The following ITSN1 variants were observed in gnomAD, a reference collection of about 807,000 sequenced individuals.
ITSN1 encodes intersectin 1.
In ITSN1, 58 loss-of-function variants were observed where a neutral mutation model predicts 239.8. That is an observed-to-expected ratio of 0.24 (90% CI 0.20 to 0.30). The LOEUF (loss-of-function observed/expected upper bound fraction) is 0.30, where lower values mean the gene tolerates loss of function less well. ITSN1 is among the 10% of genes least tolerant of loss of function. The pLI, the probability that ITSN1 is intolerant of heterozygous loss-of-function variation, is 1.00. For synonymous variants in ITSN1, 780 were observed against 770.8 expected, an observed-to-expected ratio of 1.01 and a Z score of -0.20; for missense variants, 1,558 against 2,103.3, an observed-to-expected ratio of 0.74 and a Z score of 5.07.
In ITSN1 at chr21:33,839,257, G is replaced by A. The variant is rs570374821; in HGVS notation, c.3661+2625G>A. Among the ~76,000 whole-genome samples the A allele has an allele frequency of 9.2e-5, 14 of 152,300 alleles. 1 individual carries two copies. The highest frequency in any genetic ancestry group is 7.8e-4 in the Admixed American group (12 of 15,304). On this transcript the variant is annotated intron_variant, in intron 29 of 39. Transcript: ENST00000381318. ...TCCTGCAATCCATATAAATATGCAC[G>A]GTATGTGTGTGACAAGGTGACAAGT...
chr21:33,813,837 TG>T, intron 21 of ITSN1, 75 bp from the exon 22 acceptor site: 15 of 1,300,794 alleles, frequency 1.2e-5, no homozygotes, highest in South Asian at 5.6e-5. Flanking sequence ...TTTTTTTTTT[TG>T]GTACTTTACT....
intron 12 of ITSN1, among the ~76,000 whole-genome samples, chr21:33,773,900 G>A (rs1374910890): frequency 1.3e-5 from 2 of 151,914 alleles, no homozygotes; most frequent in Admixed American, 1.3e-4. Context: ...GGCTGGTCTC[G>A]AACTCCTGAC....
At chr21:33,725,133 GTT>G (rs1171718411) in intron 4 of ITSN1, among the ~76,000 whole-genome samples, 999 of 91,078 alleles carry the variant, frequency 0.011, 3 homozygotes, top group African/African-American at 0.017. Flanking sequence ...TTTTTTTTTT[GTT>G]TTTTTTTTTT....
chr21:33,665,484 TAAC>T (rs1229839559), intron 1 of ITSN1, among the ~76,000 whole-genome samples: 2 of 152,048 alleles, frequency 1.3e-5, no homozygotes, highest in South Asian at 2.1e-4. Context: ...AAAAGGAAAA[TAAC>T]AAGTATTGGT....
chr21:33,744,918 A>G (rs560459683), intron 5 of ITSN1, among the ~76,000 whole-genome samples: 4 of 152,272 alleles, frequency 2.6e-5, no homozygotes, highest in Non-Finnish European at 5.9e-5. Flanking sequence ...GTAAAGGGAA[A>G]GAATCAGGCA....
At chr21:33,681,806 G>C (rs1389745196) in intron 1 of ITSN1, among the ~76,000 whole-genome samples, 4 of 151,640 alleles carry the variant, frequency 2.6e-5, no homozygotes, top group Admixed American at 6.6e-5. Flanking sequence ...GAGTAGCTGG[G>C]ACTACAGGCG....
chr21:33,876,878 C>T (rs534948583), intron 34 of ITSN1, among the ~76,000 whole-genome samples: 1 of 150,270 alleles, frequency 6.7e-6, no homozygotes, highest in East Asian at 2.0e-4. Context: ...CTCAAAACAA[C>T]AAACAGATAT....
intron 7 of ITSN1, among the ~76,000 whole-genome samples, chr21:33,753,611 A>C (rs540766750): frequency 6.6e-6 from 1 of 151,830 alleles, no homozygotes; most frequent in African/African-American, 2.4e-5. Context: ...AAATACAAAA[A>C]ATTAGCTGGG....
chr21:33,854,651 C>T (rs1978969223), intron 29 of ITSN1, among the ~76,000 whole-genome samples: 1 of 152,228 alleles, frequency 6.6e-6, no homozygotes, highest in Non-Finnish European at 1.5e-5. Flanking sequence ...AGCCCCGTGG[C>T]CTGCCTCCTT....
intron 25 of ITSN1, among the ~76,000 whole-genome samples, chr21:33,825,763 G>A (rs2148327831): frequency 6.6e-6 from 1 of 152,308 alleles, no homozygotes; most frequent in South Asian, 2.1e-4. Context: ...TTGAAAAATA[G>A]TGAGAGATTG....
Position 33,837,674 on chromosome 21 carries a change from T to C in ITSN1, c.3661+1042T>C, listed in dbSNP as rs960297530. The C allele has an allele frequency of 3.0e-6, 3 of 985,770 alleles. No homozygotes were observed. The African/African-American group carries it at 5.2e-5, about 17-fold the overall frequency. The allele number at this position is 985,770 out of a possible 1,614,324, so 61.1% of individuals were successfully genotyped here. ...TGTAATACATCCTGTACATAAGAAA[T>C]TAGTTCTTTCCATGGCAAAGCTATT... On this transcript the variant is annotated intron_variant, in intron 29 of 39. Transcript: ENST00000381318.
intron 14 of ITSN1, among the ~76,000 whole-genome samples, chr21:33,780,460 AT>A (rs1274496279): frequency 1.3e-5 from 2 of 151,674 alleles, no homozygotes; most frequent in South Asian, 2.1e-4. Context: ...TTTTATCAAG[AT>A]TTTTTTTTCT....
chr21:33,644,883 G>A (rs544290369), intron 1 of ITSN1, among the ~76,000 whole-genome samples: 4 of 151,312 alleles, frequency 2.6e-5, no homozygotes, highest in Admixed American at 2.0e-4. Context: ...GTGCAGTGGC[G>A]CAATCTTGGC....
At chr21:33,769,681 CTCTA>C (rs1424981427) in intron 11 of ITSN1, among the ~76,000 whole-genome samples, 1 of 150,758 alleles carries the variant, frequency 6.6e-6, no homozygotes, top group Non-Finnish European at 1.5e-5. Context: ...TCTCTGTTTT[CTCTA>C]TCTCTGTCTC....
intron 28 of ITSN1, among the ~76,000 whole-genome samples, 194 bp from the exon 29 acceptor site, chr21:33,836,247 T>A (rs2074595871): frequency 6.6e-6 from 1 of 152,140 alleles, no homozygotes; most frequent in East Asian, 1.9e-4. Context: ...TGTGAAAATT[T>A]TGTTGTTGTC....
chr21:33,811,245 T>C, intron 21 of ITSN1, 23 bp downstream of exon 21: 1 of 1,537,232 alleles, frequency 6.5e-7, no homozygotes, highest in Non-Finnish European at 8.7e-7. Flanking sequence ...GGGCTCTTTC[T>C]GATGATTTTT....
chr21:33,746,661 T>C (rs1416136827), intron 5 of ITSN1, among the ~76,000 whole-genome samples: 4 of 151,844 alleles, frequency 2.6e-5, no homozygotes, highest in African/African-American at 9.7e-5. Context: ...GCCAACATGA[T>C]GAAACCCCGT....
chr21:33,720,264 A>C (rs2065405851), intron 2 of ITSN1, among the ~76,000 whole-genome samples: 1 of 152,312 alleles, frequency 6.6e-6, no homozygotes, highest in Non-Finnish European at 1.5e-5. Context: ...GTCATCCCAG[A>C]CCCGGTAGAG....
Position 33,794,326 on chromosome 21 carries a change from C to G in ITSN1, c.1825-15C>G. On this transcript the variant is annotated splice_polypyrimidine_tract_variant and intron_variant, in intron 16 of 39. Transcript: ENST00000381318. ...ACTCATGTCGCTACATGAACTGTTTCTCGGTTAATTATAGGAACTAAGAGA... is the reference window on the plus strand; with the variant it reads ...ACTCATGTCGCTACATGAACTGTTTGTCGGTTAATTATAGGAACTAAGAGA... The G allele has an allele frequency of 1.3e-6, 2 of 1,598,940 alleles. No individual in the cohort carries two copies. Among genetic ancestry groups the G allele is most frequent in the Non-Finnish European group, 1.7e-6 (2 of 1,170,516 alleles).
Sources: allele counts gnomAD v4.1 joint callset (sites outside exome capture counted in the v4.1 genomes callset), GRCh38; gene constraint gnomAD v4.1.1; transcripts MANE v1.5; gene names NCBI Gene and HGNC (gene_info 2026-07-23, HGNC 2026-07-21).